ANK3: variants seen among roughly 807,000 people sequenced by gnomAD.
The protein encoded by ANK3 is ankyrin-3.
ANK3 carries 57 observed loss-of-function variants against 370.9 expected under a neutral mutation model. That is an observed-to-expected ratio of 0.15 (90% CI 0.12 to 0.19). The LOEUF is 0.19. ANK3 is among the 10% of genes least tolerant of loss of function. The pLI, the probability that ANK3 is intolerant of heterozygous loss-of-function variation, is 1.00. For missense variants in ANK3, 4,439 were observed against 5,302.1 expected (o/e 0.84, Z 5.06); for synonymous variants, 1,929 against 1,946.3 (o/e 0.99, Z 0.23).
At chr10:60,138,805 T>G in intron 24 of ANK3, 159 bp downstream of exon 24, 1 of 843,830 alleles carries the variant, frequency 1.2e-6, no homozygotes, top group Non-Finnish European at 1.8e-6. Flanking sequence ...CAAAAGAAAA[T>G]AGCAGAGCAT....
At chr10:60,323,421 T>C (rs1475460301) in intron 1 of ANK3, among the ~76,000 whole-genome samples, 1 of 152,110 alleles carries the variant, frequency 6.6e-6, no homozygotes. Context: ...TATTTACAAC[T>C]GGAAGTCAGG....
intron 5 of ANK3, among the ~76,000 whole-genome samples, chr10:60,265,824 C>A (rs573262200): frequency 6.6e-6 from 1 of 152,162 alleles, no homozygotes; most frequent in East Asian, 1.9e-4. Context: ...AAACATTGAC[C>A]CAAAGCACTT....
At chr10:60,163,656 T>A (rs1004314249) in intron 23 of ANK3, among the ~76,000 whole-genome samples, 36 of 152,228 alleles carry the variant, frequency 2.4e-4, no homozygotes, top group Admixed American at 2.0e-3. Context: ...GAGACTACTC[T>A]TGACATTTCT....
intron 1 of ANK3, among the ~76,000 whole-genome samples, chr10:60,675,808 C>CTTT (rs2079117171): frequency 2.6e-5 from 4 of 151,916 alleles, no homozygotes; most frequent in Admixed American, 2.6e-4. Flanking sequence ...GACTCCAGTC[C>CTTT]CAAAAGGTGA....
intron 2 of ANK3, among the ~76,000 whole-genome samples, chr10:60,479,498 T>C (rs1349591448): frequency 6.6e-6 from 1 of 152,184 alleles, no homozygotes; most frequent in Non-Finnish European, 1.5e-5. Context: ...TTATCCCCAT[T>C]GTTAAGTGAC....
intron 2 of ANK3, among the ~76,000 whole-genome samples, chr10:60,478,657 GC>G (rs1386113047): frequency 6.6e-6 from 1 of 152,002 alleles, no homozygotes; most frequent in Non-Finnish European, 1.5e-5. Flanking sequence ...ATGTTTTTGA[GC>G]TAATCACTTT....
chr10:60,365,687 G>A (rs972448229), intron 1 of ANK3, among the ~76,000 whole-genome samples: 2 of 152,140 alleles, frequency 1.3e-5, no homozygotes, highest in African/African-American at 4.8e-5. Flanking sequence ...ACCATTTCAG[G>A]AAATTTTTCC....
At chr10:60,641,720 G>C (rs546689861) in intron 1 of ANK3, among the ~76,000 whole-genome samples, 167 of 152,204 alleles carry the variant, frequency 1.1e-3, no homozygotes, top group African/African-American at 3.8e-3. Context: ...CATAGGCTTG[G>C]GCAAGGACTT....
intron 4 of ANK3, among the ~76,000 whole-genome samples, chr10:60,274,329 G>T (rs893871601): frequency 2.6e-5 from 4 of 152,108 alleles, no homozygotes; most frequent in Non-Finnish European, 4.4e-5. Context: ...GTGTTTCATG[G>T]TGGAAATTTC....
At chr10:60,650,396 C>T (rs1371311725) in intron 1 of ANK3, among the ~76,000 whole-genome samples, 3 of 151,172 alleles carry the variant, frequency 2.0e-5, no homozygotes, top group Admixed American at 1.3e-4. Flanking sequence ...AATTTACAAG[C>T]TCCTGCTTTA....
intron 2 of ANK3, among the ~76,000 whole-genome samples, chr10:60,586,110 C>T (rs2077828031): frequency 6.6e-6 from 1 of 151,804 alleles, no homozygotes; most frequent in Non-Finnish European, 1.5e-5. Context: ...TTAGAATTTC[C>T]AAAGTTACCT....
At chr10:60,513,691 G>T (rs755601758) in intron 2 of ANK3, among the ~76,000 whole-genome samples, 2 of 152,058 alleles carry the variant, frequency 1.3e-5, no homozygotes, top group Non-Finnish European at 2.9e-5. Flanking sequence ...AAAAATTAGA[G>T]ACCCTATCTT....
intron 1 of ANK3, among the ~76,000 whole-genome samples, chr10:60,654,985 G>A (rs10740040): frequency 0.63 from 96,124 of 151,842 alleles, 30,696 homozygotes; most frequent in South Asian, 0.76. Context: ...CATCATAGCC[G>A]TCATAACAGC....
intron 1 of ANK3, among the ~76,000 whole-genome samples, chr10:60,724,271 G>A (rs1364698202): frequency 6.9e-6 from 1 of 144,894 alleles, no homozygotes; most frequent in Non-Finnish European, 1.5e-5. Context: ...AAGGAACATA[G>A]CCCTGCTGAT....
At chr10:60,429,308 A>G (rs564236866) in intron 2 of ANK3, among the ~76,000 whole-genome samples, 52 of 152,232 alleles carry the variant, frequency 3.4e-4, no homozygotes, top group African/African-American at 1.2e-3. Context: ...CTGTAAGTCT[A>G]GGAGAAAGTA....
intron 7 of ANK3, among the ~76,000 whole-genome samples, chr10:60,241,413 T>C (rs959379054): frequency 6.6e-6 from 1 of 152,178 alleles, no homozygotes; most frequent in Non-Finnish European, 1.5e-5. Context: ...TCATTCAAAA[T>C]GTTATAGAAT....
At chr10:60,237,020 G>A (rs140407543) in intron 7 of ANK3, among the ~76,000 whole-genome samples, 59 of 152,350 alleles carry the variant, frequency 3.9e-4, no homozygotes, top group Non-Finnish European at 6.3e-4. Flanking sequence ...GCAGTGGTTT[G>A]CTGACCCCTG....
chr10:60,450,256 C>T (rs973489922), intron 2 of ANK3, among the ~76,000 whole-genome samples: 2 of 152,074 alleles, frequency 1.3e-5, no homozygotes, highest in Non-Finnish European at 2.9e-5. Flanking sequence ...ATTACACCAC[C>T]GCACTCCAGC....
intron 2 of ANK3, among the ~76,000 whole-genome samples, chr10:60,556,124 C>T (rs2077201173): frequency 6.6e-6 from 1 of 152,172 alleles, no homozygotes; most frequent in South Asian, 2.1e-4. Flanking sequence ...AGAGAATCAA[C>T]TGAGGATGAC....
Sources: allele counts gnomAD v4.1 joint callset (sites outside exome capture counted in the v4.1 genomes callset), GRCh38; gene constraint gnomAD v4.1.1; transcripts MANE v1.5; gene names NCBI Gene and HGNC (gene_info 2026-07-23, HGNC 2026-07-21).